The following PEAK1 variants were observed in gnomAD, a reference collection of about 807,000 sequenced individuals.
PEAK1 encodes pseudopodium enriched atypical kinase 1.
PEAK1 carries 54 observed loss-of-function variants against 124.7 expected under a neutral mutation model. The observed-to-expected ratio is 0.43, with a 90% confidence interval of 0.35 to 0.54. The LOEUF (loss-of-function observed/expected upper bound fraction) is 0.54. Ranked by LOEUF, PEAK1 falls within the 20% of genes least tolerant of loss-of-function variation. The pLI is 0.01. For missense variants in PEAK1, 2,046 were observed against 2,134.5 expected (o/e 0.96, Z 0.82); for synonymous variants, 719 against 760.0 (o/e 0.95, Z 0.89).
chr15:77,415,393 CA>C (rs1240880930), intron 1 of PEAK1, among the ~76,000 whole-genome samples: 1 of 152,136 alleles, frequency 6.6e-6, no homozygotes, highest in Non-Finnish European at 1.5e-5. Context: ...ATTCCTTTCA[CA>C]GGGGTGGATT....
At chr15:77,167,182 A>G (rs973455965) in intron 7 of PEAK1, among the ~76,000 whole-genome samples, 2 of 152,248 alleles carry the variant, frequency 1.3e-5, no homozygotes, top group African/African-American at 4.8e-5. Flanking sequence ...TAAGCAGGAA[A>G]GGGCAAATAA....
At chr15:77,283,792 T>C in intron 5 of PEAK1, 91 bp downstream of exon 5, 1 of 544,308 alleles carries the variant, frequency 1.8e-6, no homozygotes, top group Non-Finnish European at 2.3e-6. Context: ...ACAAGGATAT[T>C]AAAAGTCAAT....
intron 1 of PEAK1, among the ~76,000 whole-genome samples, chr15:77,367,479 A>C (rs895514365): frequency 6.6e-6 from 1 of 152,244 alleles, no homozygotes; most frequent in Admixed American, 6.5e-5. Context: ...TATACACATT[A>C]GTCAAAACCC....
intron 2 of PEAK1, among the ~76,000 whole-genome samples, chr15:77,304,442 ATTTT>A (rs71145812): frequency 0.014 from 1,249 of 86,406 alleles, 8 homozygotes; most frequent in African/African-American, 0.057. Context: ...TCCTGTATAC[ATTTT>A]TTTTTTTTTT....
At chr15:77,376,045 GTAA>G (rs1267618287) in intron 1 of PEAK1, among the ~76,000 whole-genome samples, 1 of 140,302 alleles carries the variant, frequency 7.1e-6, no homozygotes. Context: ...ATAAATAAAT[GTAA>G]TAATAAAAAT....
Position 77,250,205 on chromosome 15 carries a change from A to G in PEAK1, c.-115+2162T>C, listed in dbSNP as rs150508302. ...TGTATATATATACATATATATACATATATATGTATATATATACACATATAT... is the reference window on the plus strand; with the variant it reads ...TGTATATATATACATATATATACATGTATATGTATATATATACACATATAT... On this transcript the variant is annotated intron_variant, in intron 6 of 9. Coordinates refer to ENST00000682557, the MANE Select transcript of PEAK1 (RefSeq NM_001385026.1). Among the ~76,000 whole-genome samples, 726 of 109,272 alleles carry G rather than the reference A, an allele frequency of 6.6e-3. 8 individuals carry two copies. Among genetic ancestry groups the G allele is most frequent in the African/African-American group, 0.022 (688 of 31,904 alleles). 71.7% of individuals were successfully genotyped at this position (109,272 alleles called of 152,430 possible).
intron 5 of PEAK1, among the ~76,000 whole-genome samples, chr15:77,257,611 T>C (rs545399344): frequency 1.6e-4 from 25 of 152,048 alleles, no homozygotes; most frequent in Non-Finnish European, 2.9e-4. Context: ...GAGTTCACTT[T>C]AGATTCTGGA....
intron 1 of PEAK1, among the ~76,000 whole-genome samples, chr15:77,412,373 T>A (rs1479714145): frequency 2.6e-5 from 4 of 152,198 alleles, no homozygotes; most frequent in African/African-American, 9.6e-5. Context: ...CCCAAAAACC[T>A]GCTCTGCACC....
chr15:77,416,030 C>A (rs564515054), intron 1 of PEAK1, among the ~76,000 whole-genome samples: 23 of 152,316 alleles, frequency 1.5e-4, no homozygotes, highest in Middle Eastern at 3.4e-3. Context: ...TCAACACCCA[C>A]CCCCATGCAT....
intron 2 of PEAK1, among the ~76,000 whole-genome samples, chr15:77,357,077 G>T (rs1276596607): frequency 1.3e-5 from 2 of 152,156 alleles, no homozygotes; most frequent in Non-Finnish European, 2.9e-5. Flanking sequence ...GATCAGCCTT[G>T]ACAACGTAAG....
intron 8 of PEAK1, among the ~76,000 whole-genome samples, chr15:77,145,345 AGG>A (rs1277911783): frequency 6.6e-6 from 1 of 151,990 alleles, no homozygotes; most frequent in Non-Finnish European, 1.5e-5. Flanking sequence ...GATATTCGGG[AGG>A]TTGAGGCATG....
chr15:77,175,380 T>G (rs1484371618), intron 7 of PEAK1, among the ~76,000 whole-genome samples: 4 of 151,934 alleles, frequency 2.6e-5, no homozygotes, highest in Non-Finnish European at 5.9e-5. Context: ...ATCCAGAATC[T>G]ACAATGAACT....
At chr15:77,132,231 C>A (rs959670834) in intron 9 of PEAK1, among the ~76,000 whole-genome samples, 1 of 151,940 alleles carries the variant, frequency 6.6e-6, no homozygotes, top group East Asian at 2.0e-4. Flanking sequence ...CAGGCATGAG[C>A]CACTACATTT....
chr15:77,263,228 G>A (rs2152941866), intron 5 of PEAK1, among the ~76,000 whole-genome samples: 1 of 152,218 alleles, frequency 6.6e-6, no homozygotes, highest in South Asian at 2.1e-4. Flanking sequence ...TCAAAAGCTA[G>A]TAGAAGGCAA....
chr15:77,191,229 G>A (rs1468141596), intron 6 of PEAK1, among the ~76,000 whole-genome samples: 1 of 152,044 alleles, frequency 6.6e-6, no homozygotes, highest in African/African-American at 2.4e-5. Context: ...AATAACTACC[G>A]TCAAACAAAG....
chr15:77,103,204 G>A (rs548288927), downstream of PEAK1: 1 of 152,278 alleles, frequency 6.6e-6, no homozygotes, highest in African/African-American at 2.4e-5. Context: ...CCAGGCTGGA[G>A]TGCAGTTCAC....
chr15:77,234,496 G>A (rs1215277383), intron 6 of PEAK1, among the ~76,000 whole-genome samples: 1 of 151,780 alleles, frequency 6.6e-6, no homozygotes, highest in African/African-American at 2.4e-5. Flanking sequence ...AAAAATGTAA[G>A]AAATACATAA....
intron 6 of PEAK1, among the ~76,000 whole-genome samples, chr15:77,187,783 C>CTAT (rs1219844516): frequency 6.6e-6 from 1 of 152,172 alleles, no homozygotes; most frequent in Non-Finnish European, 1.5e-5. Context: ...CAGTGAGGAT[C>CTAT]TATTGCCTAT....
At chr15:77,223,098 TA>T (rs2059462285) in intron 6 of PEAK1, among the ~76,000 whole-genome samples, 1 of 152,054 alleles carries the variant, frequency 6.6e-6, no homozygotes, top group Non-Finnish European at 1.5e-5. Context: ...CACTAGTGAC[TA>T]AATGACGGCC....
Sources: gnomAD v4.1 joint callset for allele counts (sites outside exome capture counted in the v4.1 genomes callset) on GRCh38, gnomAD v4.1.1 for gene constraint, MANE v1.5 for transcripts, NCBI Gene and HGNC (gene_info 2026-07-23, HGNC 2026-07-21) for gene names.